Variants in USP6NL observed in about 807,000 individuals in gnomAD.
USP6NL encodes USP6 N-terminal like.
USP6NL carries 26 observed loss-of-function variants against 61.9 expected under a neutral mutation model. The observed-to-expected ratio is 0.42, with a 90% confidence interval of 0.31 to 0.58. The LOEUF (loss-of-function observed/expected upper bound fraction) is 0.58, where lower values mean the gene tolerates loss of function less well. Among genes scored for constraint, USP6NL ranks in the 20% least tolerant of loss-of-function variants. The pLI, the probability that USP6NL is intolerant of heterozygous loss-of-function variation, is 0.16. For synonymous variants in USP6NL, 432 were observed against 390.1 expected, an observed-to-expected ratio of 1.11 and a Z score of -1.27; for missense variants, 1,114 against 1,034.3, an observed-to-expected ratio of 1.08 and a Z score of -1.06.
At chr10:11,555,451 T>TATAGAGAGAGAGAG (rs1427219382) in intron 2 of USP6NL, among the ~76,000 whole-genome samples, 2 of 61,004 alleles carry the variant, frequency 3.3e-5, no homozygotes, top group East Asian at 1.9e-3. Context: ...TATATATATA[T>TATAGAGAGAGAGAG]AGAGAGAGAG....
chr10:11,496,565 G>A lies in USP6NL; in HGVS notation c.385-3337C>T, dbSNP rs915479882. On this transcript the variant is annotated intron_variant, in intron 7 of 14. Transcript: ENST00000609104. This position sits in a 1 kb window ranked among gnomAD's most constrained non-coding sequence, Gnocchi z 5.4. ...GGAAAGGGAGCTAAATGAGTATGTT[G>A]AATCTCCCATGTTTAAACAGATGGG... Among the ~76,000 whole-genome samples the A allele has an allele frequency of 6.6e-6, 1 of 152,106 alleles. No homozygotes were observed.
At chr10:11,580,650 T>C (rs920422934) in intron 2 of USP6NL, among the ~76,000 whole-genome samples, 1 of 152,204 alleles carries the variant, frequency 6.6e-6, no homozygotes, top group African/African-American at 2.4e-5. Flanking sequence ...GTGACTTCAT[T>C]GTCCTAGGGT....
At chr10:11,578,127 A>G (rs1837619331) in intron 2 of USP6NL, among the ~76,000 whole-genome samples, 1 of 152,026 alleles carries the variant, frequency 6.6e-6, no homozygotes, top group South Asian at 2.1e-4. Flanking sequence ...GCCACCATGC[A>G]TAGCTAATTT....
chr10:11,460,656 A>C lies in USP6NL; in HGVS notation c.*1785T>G, dbSNP rs202196510. 1 of 113,692 alleles carries C rather than the reference A, an allele frequency of 8.8e-6. No individual in the cohort carries two copies. Among genetic ancestry groups the C allele is most frequent in the South Asian group, 3.3e-4 (1 of 3,044 alleles). 7.0% of individuals were successfully genotyped at this position (113,692 alleles called of 1,614,324 possible). ...ATATATATATATATATATATATATA[A>C]AAATCTACAGTATTTACCACTGTTG... On this transcript the variant is annotated 3_prime_UTR_variant, in exon 15 of 15. Coordinates refer to ENST00000609104, the MANE Select transcript of USP6NL (RefSeq NM_014688.5).
chr10:11,535,088 C>T (rs12217167), intron 2 of USP6NL, among the ~76,000 whole-genome samples: 48,924 of 152,060 alleles, frequency 0.32, 8,432 homozygotes, highest in East Asian at 0.67. Context: ...TCATGGAGAC[C>T]GTATAGGTTA....
At chr10:11,521,370 T>C (rs1835201051) in intron 4 of USP6NL, among the ~76,000 whole-genome samples, 1 of 146,070 alleles carries the variant, frequency 6.8e-6, no homozygotes, top group Admixed American at 6.9e-5. Flanking sequence ...ATATATATTA[T>C]TTATATATTT....
At position 11,460,769 on chromosome 10, in the gene USP6NL, T is replaced by C. The variant is rs1157876026; in HGVS notation, c.*1672A>G. 6.6e-6 allele frequency: 1 copy of C among 152,034 alleles called. No individual in the cohort carries two copies. Among genetic ancestry groups the C allele is most frequent in the Non-Finnish European group, 1.5e-5 (1 of 67,882 alleles). The allele number at this position is 152,034 out of a possible 1,614,324, so 9.4% of individuals were successfully genotyped here. ...ATTACAAGTCACAGAATTATGGTTA[T>C]ATAATGGGAATTAATATCCTCAGCT... On this transcript the variant is annotated 3_prime_UTR_variant, in exon 15 of 15. Coordinates refer to ENST00000609104, the MANE Select transcript of USP6NL (RefSeq NM_014688.5).
chr10:11,576,522 C>T (rs1299232507), intron 2 of USP6NL, among the ~76,000 whole-genome samples: 1 of 152,210 alleles, frequency 6.6e-6, no homozygotes, highest in East Asian at 1.9e-4. Context: ...CAGAGAGCTG[C>T]CGTGCCTTTC....
chr10:11,583,184 AT>A (rs11432382), intron 2 of USP6NL, among the ~76,000 whole-genome samples: 306 of 133,568 alleles, frequency 2.3e-3, no homozygotes, highest in Middle Eastern at 7.7e-3. Context: ...TATGTTTTCA[AT>A]TTTTTTTTTT....
rs770443917 is a variant in USP6NL at position 11,532,008 on chromosome 10, TG to T, written c.5-4442del. ...AATTATATGCTTTAAAAGCAGGTAT[TG>T]TATCTTAATGTCACTAAATTAGCAC... On this transcript the variant is annotated intron_variant, in intron 2 of 14. Transcript: ENST00000609104. This position sits in a 1 kb window ranked among gnomAD's most constrained non-coding sequence, Gnocchi z 4.1. Among the ~76,000 whole-genome samples the T allele has an allele frequency of 1.1e-4, 17 of 152,224 alleles. No homozygotes were observed. Among genetic ancestry groups the T allele is most frequent in the Non-Finnish European group, 2.1e-4 (14 of 68,030 alleles).
At chr10:11,577,676 T>C (rs1837601126) in intron 2 of USP6NL, among the ~76,000 whole-genome samples, 1 of 151,880 alleles carries the variant, frequency 6.6e-6, no homozygotes, top group African/African-American at 2.4e-5. Context: ...TTTGTATTTT[T>C]AGTAAAGACA....
chr10:11,460,570 AAT>A lies in USP6NL; in HGVS notation c.*1869_*1870del, dbSNP rs1266691827. The A allele has an allele frequency of 1.3e-5, 2 of 149,890 alleles. No individual in the cohort carries two copies. Among genetic ancestry groups the A allele is most frequent in the Non-Finnish European group, 3.0e-5 (2 of 67,540 alleles). The allele number at this position is 149,890 out of a possible 1,614,324, so 9.3% of individuals were successfully genotyped here. ...ACATCAAAAAAGTATACAGATAAAA[AAT>A]GTCATAAATGACATAAGAAAATAGT... On this transcript the variant is annotated 3_prime_UTR_variant, in exon 15 of 15. Coordinates refer to ENST00000609104, the MANE Select transcript of USP6NL (RefSeq NM_014688.5).
chr10:11,463,443 A>G lies in USP6NL; in HGVS notation c.1485T>C (p.Ala495=). The G allele has an allele frequency of 1.9e-6, 3 of 1,614,032 alleles. No individual in the cohort carries two copies. The highest frequency in any genetic ancestry group is 2.5e-6 in the Non-Finnish European group (3 of 1,179,890). Residue 495 remains alanine, a synonymous_variant, in exon 15 of 15, where the codon GCT becomes GCC. Coordinates refer to ENST00000609104, the MANE Select transcript of USP6NL (RefSeq NM_014688.5). This position sits in a 1 kb window ranked among gnomAD's most constrained non-coding sequence, Gnocchi z 6.3. ...PKWNKPSDVS[A]TERTAKYTME... is the part of the protein sequence containing the mutation. ...TGGTGTATTTGGCAGTTCTCTCTGT[A>G]GCTGAGACGTCTGACGGTTTATTCC...
In USP6NL at chr10:11,468,064, T is replaced by C. The variant is rs767198468; in HGVS notation, c.1079-4215A>G. 3.9e-5 allele frequency among the ~76,000 whole-genome samples: 6 copies of C among 152,248 alleles called. No individual in the cohort carries two copies. The highest frequency in any genetic ancestry group is 5.9e-5 in the Non-Finnish European group (4 of 68,042). ...AAAAAACAAAGTCAGATTAATCAAG[T>C]ATGGCATCGCTTGATGGAGTCATGA... is the stretch of plus-strand genomic sequence containing the variant. On this transcript the variant is annotated intron_variant, in intron 14 of 14. Coordinates refer to ENST00000609104, the MANE Select transcript of USP6NL (RefSeq NM_014688.5). The surrounding 1 kb of genome is among the most constrained non-coding windows in gnomAD (Gnocchi z 4.5).
At position 11,525,359 on chromosome 10, in the gene USP6NL, A is replaced by T; in HGVS notation, c.155+27T>A. The T allele has an allele frequency of 6.4e-7, 1 of 1,558,152 alleles. No homozygotes were observed. Among genetic ancestry groups the T allele is most frequent in the Non-Finnish European group, 8.7e-7 (1 of 1,153,492 alleles). On this transcript the variant is annotated intron_variant, in intron 4 of 14. Transcript: ENST00000609104. The surrounding 1 kb of genome is among the most constrained non-coding windows in gnomAD (Gnocchi z 5.0). ...ACCACAGAAACGTTATAATCTAAAA[A>T]GCAAGCTTTCAATCTATGTGACTTA...
At chr10:11,541,290 CAGG>C (rs1260408326) in intron 2 of USP6NL, among the ~76,000 whole-genome samples, 1 of 106,808 alleles carries the variant, frequency 9.4e-6, no homozygotes, top group South Asian at 3.3e-4. Flanking sequence ...TGTCACTCTT[CAGG>C]AGACCAGATG....
intron 2 of USP6NL, among the ~76,000 whole-genome samples, chr10:11,544,987 TACAC>T (rs1337180691): frequency 6.6e-6 from 1 of 152,218 alleles, no homozygotes; most frequent in Non-Finnish European, 1.5e-5. Flanking sequence ...TCAGAATAGT[TACAC>T]ACAGTTAACA....
In USP6NL at chr10:11,585,363, T is replaced by C. The variant is rs1270167449; in HGVS notation, c.4+12268A>G. 2.6e-5 allele frequency among the ~76,000 whole-genome samples: 4 copies of C among 152,184 alleles called. No individual in the cohort carries two copies. Among genetic ancestry groups the C allele is most frequent in the Non-Finnish European group, 5.9e-5 (4 of 68,028 alleles). On this transcript the variant is annotated intron_variant, in intron 2 of 14. Coordinates refer to ENST00000609104, the MANE Select transcript of USP6NL (RefSeq NM_014688.5). This position sits in a 1 kb window ranked among gnomAD's most constrained non-coding sequence, Gnocchi z 4.5. ...ACTTCTTGGTACAGACCCAGAAGAATTGAAAGCAGGGTTCCAAAGATGTAT... is the reference window on the plus strand; with the variant it reads ...ACTTCTTGGTACAGACCCAGAAGAACTGAAAGCAGGGTTCCAAAGATGTAT...
At position 11,540,533 on chromosome 10, in the gene USP6NL, T is replaced by G. The variant is rs181215956; in HGVS notation, c.5-12966A>C. ...CCCAGCTCATTCAGAATTGCAAGTA[T>G]GTGCAGTTATATGCACTACAATAAA... is the stretch of plus-strand genomic sequence containing the variant. On this transcript the variant is annotated intron_variant, in intron 2 of 14. Coordinates refer to ENST00000609104, the MANE Select transcript of USP6NL (RefSeq NM_014688.5). This position sits in a 1 kb window ranked among gnomAD's most constrained non-coding sequence, Gnocchi z 5.0. 6.0e-4 allele frequency among the ~76,000 whole-genome samples: 92 copies of G among 152,326 alleles called. No homozygotes were observed. Among genetic ancestry groups the G allele is most frequent in the African/African-American group, 2.2e-3 (91 of 41,578 alleles).
Sources: allele counts gnomAD v4.1 joint callset (sites outside exome capture counted in the v4.1 genomes callset), GRCh38; gene constraint gnomAD v4.1.1; non-coding constraint Gnocchi (gnomAD v3.1); transcripts MANE v1.5; gene names NCBI Gene and HGNC (gene_info 2026-07-23, HGNC 2026-07-21).